Variants in UGT3A2 observed in about 807,000 individuals in gnomAD.
UGT3A2 encodes UDP glycosyltransferase family 3 member A2, also known as UDP-glycosyltransferase 3A2.
UGT3A2 carries 32 observed loss-of-function variants against 39.8 expected under a neutral mutation model. The ratio of observed to expected loss-of-function variants is 0.80; its 90% CI spans 0.61 to 1.08. UGT3A2 has a LOEUF of 1.08. Among genes scored for constraint, UGT3A2 ranks in the 50% least tolerant of loss-of-function variants. The pLI, the probability that UGT3A2 is intolerant of heterozygous loss-of-function variation, is 0.00. For missense variants in UGT3A2, 611 were observed against 637.1 expected, an observed-to-expected ratio of 0.96 and a Z score of 0.44; for synonymous variants, 241 against 230.7, an observed-to-expected ratio of 1.04 and a Z score of -0.40.
Position 36,048,929 on chromosome 5 carries a change from A to G in UGT3A2, c.803T>C (p.Val268Ala). ...ARPLLPNTVY[V>A]GGLMEKPIKP... ...AATAGGTTTTTCCATCAAGCCTCCA[A>G]CATAAACAGTGTTGGGAAGCAGAGG... is the stretch of plus-strand genomic sequence containing the variant. The change falls in exon 4 of 7, where the codon GTT becomes GCT. Residue 268 changes from valine (V) to alanine (A), a missense_variant. Transcript: ENST00000282507. 1 of 1,614,150 alleles carries G rather than the reference A, an allele frequency of 6.2e-7. No individual in the cohort carries two copies. Among genetic ancestry groups the G allele is most frequent in the Non-Finnish European group, 8.5e-7 (1 of 1,180,024 alleles).
intron 2 of UGT3A2, 81 bp downstream of exon 2, chr5:36,064,168 A>G: frequency 7.7e-7 from 1 of 1,298,810 alleles, no homozygotes; most frequent in Non-Finnish European, 1.1e-6. Flanking sequence ...TTTAAAAAAC[A>G]TTTTGCTAAG....
intron 2 of UGT3A2, 61 bp from the exon 3 acceptor site, chr5:36,052,045 A>G: frequency 9.8e-7 from 1 of 1,016,890 alleles, no homozygotes; most frequent in Admixed American, 2.7e-5. Flanking sequence ...GAGTAACATT[A>G]GCATAACAAT....
chr5:36,048,017 T>A (rs1194229794), intron 4 of UGT3A2, among the ~76,000 whole-genome samples: 1 of 152,094 alleles, frequency 6.6e-6, no homozygotes, highest in Non-Finnish European at 1.5e-5. Flanking sequence ...GCTCACTCAG[T>A]GCAAGTTAAA....
chr5:36,040,169 T>C (rs1298409249), intron 4 of UGT3A2, among the ~76,000 whole-genome samples: 3 of 152,064 alleles, frequency 2.0e-5, no homozygotes, highest in African/African-American at 7.2e-5. Flanking sequence ...TTTCAGTGTG[T>C]TTTCCTCTAA....
chr5:36,066,218 A>G (rs1742873860), intron 1 of UGT3A2, among the ~76,000 whole-genome samples: 1 of 152,190 alleles, frequency 6.6e-6, no homozygotes, highest in Non-Finnish European at 1.5e-5. Context: ...CTCCGGATGC[A>G]GCTTCACAAC....
chr5:36,063,889 G>A (rs1056924520), intron 2 of UGT3A2, among the ~76,000 whole-genome samples: 1 of 152,156 alleles, frequency 6.6e-6, no homozygotes, highest in Non-Finnish European at 1.5e-5. Flanking sequence ...ACCTGTCTCA[G>A]CCTCCTAAAG....
At position 36,037,955 on chromosome 5, in the gene UGT3A2, G is replaced by T. The variant is rs1377983076; in HGVS notation, c.1137C>A (p.Ile379=). Residue 379 remains isoleucine, a synonymous_variant, in exon 6 of 7, where the codon ATC becomes ATA. Transcript: ENST00000282507. ...HGGQNSIMEA[I]QHGVPMVGIP... Reference sequence around the variant, plus strand: ...TCCCCACCATGGGCACACCATGCTGGATGGCCTCCATTATGCTATTCTGCC... The same window carrying T: ...TCCCCACCATGGGCACACCATGCTGTATGGCCTCCATTATGCTATTCTGCC... The T allele has an allele frequency of 2.5e-6, 4 of 1,614,056 alleles. No homozygotes were observed. The highest frequency in any genetic ancestry group is 3.4e-6 in the Non-Finnish European group (4 of 1,179,988).
chr5:36,051,083 T>A (rs1216968848), intron 3 of UGT3A2, among the ~76,000 whole-genome samples: 2 of 152,136 alleles, frequency 1.3e-5, no homozygotes, highest in African/African-American at 4.8e-5. Context: ...GTGGATTAGA[T>A]CAGACGTATA....
chr5:36,050,209 G>T (rs987201261), intron 3 of UGT3A2, among the ~76,000 whole-genome samples: 11 of 151,648 alleles, frequency 7.3e-5, no homozygotes, highest in East Asian at 1.9e-4. Flanking sequence ...GCAGGCTGGG[G>T]TATTCAGATA....
rs74620491 is a variant in UGT3A2, at chr5:36,038,226, C to T, written c.1076-210G>A. ...ATCGTATGGAAACATCTTCCCTCAG[C>T]CAGAAATTCAGCTAAGGCTTAGAAT... On this transcript the variant is annotated intron_variant, in intron 5 of 6. Transcript: ENST00000282507. Among the ~76,000 whole-genome samples the T allele has an allele frequency of 8.5e-5, 13 of 152,284 alleles. No individual in the cohort carries two copies. In the East Asian group the frequency reaches 2.5e-3, roughly 29 times the overall value.
rs878962550 is a variant in UGT3A2, at chr5:36,036,109, C to T, written c.1296-135G>A. On this transcript the variant is annotated intron_variant, in intron 6 of 6. Coordinates refer to ENST00000282507, the MANE Select transcript of UGT3A2 (RefSeq NM_174914.4). Reference sequence around the variant, plus strand: ...TGGCTTTGCAGTAATCTACCTGGTTCCCCTTGAAATTTAATCATGACACCT... The same window carrying T: ...TGGCTTTGCAGTAATCTACCTGGTTTCCCTTGAAATTTAATCATGACACCT... The T allele has an allele frequency of 6.1e-6, 7 of 1,143,102 alleles. No homozygotes were observed. The South Asian group carries it at 1.2e-4, about 19-fold the overall frequency. 70.8% of individuals were successfully genotyped at this position (1,143,102 alleles called of 1,614,324 possible).
At chr5:36,054,761 G>A (rs956898811) in intron 2 of UGT3A2, among the ~76,000 whole-genome samples, 27 of 152,174 alleles carry the variant, frequency 1.8e-4, no homozygotes, top group Admixed American at 1.5e-3. Flanking sequence ...AGGTTTTAAG[G>A]ACTGGAAATA....
intron 5 of UGT3A2, among the ~76,000 whole-genome samples, chr5:36,038,919 T>G (rs879715652): frequency 1.3e-4 from 20 of 152,178 alleles, no homozygotes; most frequent in African/African-American, 1.9e-4. Context: ...AATCACCAAC[T>G]GTGAAGTTGC....
chr5:36,049,471 G>GTACATAA (rs1282032849), intron 3 of UGT3A2, 51 bp from the exon 4 acceptor site: 8 of 1,340,282 alleles, frequency 6.0e-6, no homozygotes, highest in Non-Finnish European at 8.1e-6. Flanking sequence ...TAAATTTACA[G>GTACATAA]TACATAAAAG....
At chr5:36,061,498 T>C (rs1268619925) in intron 2 of UGT3A2, among the ~76,000 whole-genome samples, 1 of 150,918 alleles carries the variant, frequency 6.6e-6, no homozygotes, top group Non-Finnish European at 1.5e-5. Flanking sequence ...GTGTTTGGTT[T>C]TTTGTTCTTG....
At chr5:36,040,010 T>G (rs1741957416) in intron 4 of UGT3A2, among the ~76,000 whole-genome samples, 1 of 152,122 alleles carries the variant, frequency 6.6e-6, no homozygotes, top group Non-Finnish European at 1.5e-5. Flanking sequence ...TAATAGTATC[T>G]GGAAGAGTAC....
intron 4 of UGT3A2, among the ~76,000 whole-genome samples, chr5:36,041,791 C>T (rs1429638043): frequency 6.6e-6 from 1 of 152,150 alleles, no homozygotes; most frequent in Non-Finnish European, 1.5e-5. Flanking sequence ...CAGGTACAAA[C>T]AAGCCCAGAC....
intron 2 of UGT3A2, among the ~76,000 whole-genome samples, chr5:36,056,844 A>T (rs1042986752): frequency 7.2e-5 from 11 of 152,218 alleles, no homozygotes; most frequent in Non-Finnish European, 1.6e-4. Flanking sequence ...ACATTTTACT[A>T]TAGACAGTAA....
intron 1 of UGT3A2, 73 bp downstream of exon 1, chr5:36,066,623 C>T (rs879810361): frequency 6.8e-6 from 11 of 1,606,402 alleles, no homozygotes; most frequent in Non-Finnish European, 9.4e-6. Context: ...TGATCAAGCG[C>T]TGTTCTCTGG....
Sources: allele counts gnomAD v4.1 joint callset (sites outside exome capture counted in the v4.1 genomes callset), GRCh38; gene constraint gnomAD v4.1.1; transcripts MANE v1.5; gene names NCBI Gene and HGNC (gene_info 2026-07-23, HGNC 2026-07-21).